MACROD2: variants seen among roughly 807,000 people sequenced by gnomAD.
The protein encoded by MACROD2 is ADP-ribose glycohydrolase MACROD2.
A neutral mutation model predicts 70.4 loss-of-function variants in MACROD2; 36 were observed. The observed-to-expected ratio is 0.51, with a 90% CI of 0.39 to 0.68. The LOEUF is 0.68. Among genes scored for constraint, MACROD2 ranks in the 30% least tolerant of loss-of-function variants. MACROD2 has a pLI of 0.00. For missense variants in MACROD2, 496 were observed against 538.4 expected (o/e 0.92, Z 0.78); for synonymous variants, 172 against 178.8 (o/e 0.96, Z 0.30).
chr20:14,358,712 T>C (rs1388712709), intron 3 of MACROD2, among the ~76,000 whole-genome samples: 1 of 152,078 alleles, frequency 6.6e-6, no homozygotes, highest in African/African-American at 2.4e-5. Flanking sequence ...CGCCTCGACC[T>C]CCCAAAGTGC....
At chr20:14,474,808 A>G (rs2084571785) in intron 3 of MACROD2, among the ~76,000 whole-genome samples, 2 of 151,886 alleles carry the variant, frequency 1.3e-5, no homozygotes, top group Non-Finnish European at 2.9e-5. Context: ...TTTGGTTTCC[A>G]TTTGCATGGA....
chr20:14,087,365 C>T (rs1048723732), intron 3 of MACROD2, among the ~76,000 whole-genome samples: 2 of 150,988 alleles, frequency 1.3e-5, no homozygotes, highest in Admixed American at 6.6e-5. Context: ...CACTGCACTC[C>T]AGCCTGGGTG....
chr20:14,989,512 T>C (rs1403028641), intron 5 of MACROD2, among the ~76,000 whole-genome samples: 1 of 152,100 alleles, frequency 6.6e-6, no homozygotes, highest in African/African-American at 2.4e-5. Flanking sequence ...GGAGGCAGAC[T>C]CAAGAGAGAG....
At chr20:14,679,847 T>C (rs1000625789) in intron 4 of MACROD2, among the ~76,000 whole-genome samples, 2 of 152,184 alleles carry the variant, frequency 1.3e-5, no homozygotes, top group Admixed American at 1.3e-4. Context: ...CTAACATGTA[T>C]CAGATGACCT....
At chr20:15,813,309 A>G (rs2063839335) in intron 8 of MACROD2, among the ~76,000 whole-genome samples, 1 of 152,206 alleles carries the variant, frequency 6.6e-6, no homozygotes, top group Non-Finnish European at 1.5e-5. Flanking sequence ...TTCTAAAATG[A>G]TGAATGCTCA....
At position 14,775,569 on chromosome 20, in the gene MACROD2, C is replaced by A. The variant is rs1470714005; in HGVS notation, c.418+90610C>A. On this transcript the variant is annotated intron_variant, in intron 5 of 17. Transcript: ENST00000684519. ...ACTGAGGGGAGGACATCAAGCTATT[C>A]ATGAGGGATTCACCCCCATGTCTCT... is the stretch of plus-strand genomic sequence containing the variant. Among the ~76,000 whole-genome samples the A allele has an allele frequency of 2.6e-5, 4 of 151,972 alleles. No individual in the cohort carries two copies. The East Asian group carries it at 7.7e-4, about 29-fold the overall frequency.
At chr20:15,038,665 A>G (rs2075332481) in intron 5 of MACROD2, among the ~76,000 whole-genome samples, 1 of 152,116 alleles carries the variant, frequency 6.6e-6, no homozygotes, top group African/African-American at 2.4e-5. Flanking sequence ...GCTTGTTATT[A>G]AGGGGTGACG....
intron 2 of MACROD2, among the ~76,000 whole-genome samples, chr20:14,013,418 G>C (rs577841669): frequency 6.6e-6 from 1 of 151,634 alleles, no homozygotes; most frequent in African/African-American, 2.4e-5. Context: ...GACTACAGGT[G>C]CCCGCCACCA....
intron 8 of MACROD2, among the ~76,000 whole-genome samples, chr20:15,716,013 C>G (rs1281908587): frequency 6.6e-6 from 1 of 152,014 alleles, no homozygotes; most frequent in Non-Finnish European, 1.5e-5. Flanking sequence ...CCAAATTATG[C>G]AAGGTGTTAT....
chr20:15,107,077 T>A (rs977976668), intron 5 of MACROD2, among the ~76,000 whole-genome samples: 10 of 141,886 alleles, frequency 7.0e-5, no homozygotes, highest in African/African-American at 2.7e-4. Flanking sequence ...CATTTAAGGC[T>A]TTTGGGATTT....
At chr20:15,256,210 GT>G (rs1325585606) in intron 6 of MACROD2, among the ~76,000 whole-genome samples, 1 of 151,952 alleles carries the variant, frequency 6.6e-6, no homozygotes, top group African/African-American at 2.4e-5. Flanking sequence ...TTTATATTGA[GT>G]TTTTTGCAGC....
At chr20:14,771,662 CACACACACATATATAT>C (rs757973741) in intron 5 of MACROD2, among the ~76,000 whole-genome samples, 5,050 of 142,052 alleles carry the variant, frequency 0.036, 127 homozygotes, top group Non-Finnish European at 0.05. Context: ...CACACACACA[CACACACACATATATAT>C]ATATATTTAA....
At chr20:15,452,800 C>T (rs2046660942) in intron 7 of MACROD2, among the ~76,000 whole-genome samples, 1 of 152,104 alleles carries the variant, frequency 6.6e-6, no homozygotes, top group Non-Finnish European at 1.5e-5. Context: ...TGAATAGCAT[C>T]AGTTTCTCTA....
intron 3 of MACROD2, among the ~76,000 whole-genome samples, chr20:14,315,989 T>A (rs1312603641): frequency 6.6e-6 from 1 of 152,178 alleles, no homozygotes; most frequent in Non-Finnish European, 1.5e-5. Context: ...CACAAAATAA[T>A]CTTGGCATTT....
Position 15,313,303 on chromosome 20 carries a change from G to A in MACROD2, c.540+83242G>A, listed in dbSNP as rs1179596987. Among the ~76,000 whole-genome samples, 6 of 151,974 alleles carry A rather than the reference G, an allele frequency of 3.9e-5. No individual in the cohort carries two copies. In the East Asian group the frequency reaches 7.7e-4, roughly 20 times the overall value. On this transcript the variant is annotated intron_variant, in intron 6 of 17. Coordinates refer to ENST00000684519, the MANE Select transcript of MACROD2 (RefSeq NM_001351661.2). ...GGGTGGATCACGAGGTCAGGAGATC[G>A]AGACCATCCTGGCTAACACGATGAA...
chr20:14,214,779 A>G (rs2081601662), intron 3 of MACROD2, among the ~76,000 whole-genome samples: 1 of 151,862 alleles, frequency 6.6e-6, no homozygotes, highest in Non-Finnish European at 1.5e-5. Context: ...CCAAGTACCC[A>G]GAGTCCATTG....
chr20:15,752,460 A>G (rs1314470288), intron 8 of MACROD2, among the ~76,000 whole-genome samples: 1 of 152,098 alleles, frequency 6.6e-6, no homozygotes, highest in Non-Finnish European at 1.5e-5. Flanking sequence ...AGTGGCAGGA[A>G]AAGAATCATA....
chr20:15,383,723 G>A (rs957952257), intron 6 of MACROD2, among the ~76,000 whole-genome samples: 1 of 152,072 alleles, frequency 6.6e-6, no homozygotes, highest in Non-Finnish European at 1.5e-5. Context: ...AACAAAATAT[G>A]ATATGTGTTC....
At chr20:15,607,631 T>C (rs1045385228) in intron 8 of MACROD2, among the ~76,000 whole-genome samples, 3 of 152,176 alleles carry the variant, frequency 2.0e-5, no homozygotes, top group African/African-American at 7.2e-5. Flanking sequence ...CCTCCCGGGT[T>C]CAAGCGATTC....
Sources: allele counts gnomAD v4.1 joint callset (sites outside exome capture counted in the v4.1 genomes callset), GRCh38; gene constraint gnomAD v4.1.1; transcripts MANE v1.5; gene names NCBI Gene and HGNC (gene_info 2026-07-23, HGNC 2026-07-21).